MCTP1: variants seen among roughly 807,000 people sequenced by gnomAD.
MCTP1 encodes the protein multiple C2 and transmembrane domain containing 1, also known as multiple C2 and transmembrane domain-containing protein 1.
Under a neutral mutation model 120.6 loss-of-function variants are expected in MCTP1, and 69 were observed. The ratio of observed to expected loss-of-function variants is 0.57; its 90% CI spans 0.47 to 0.70. MCTP1 has a LOEUF of 0.70. MCTP1 is among the 30% of genes least tolerant of loss of function. The pLI, the probability that MCTP1 is intolerant of heterozygous loss-of-function variation, is 0.00. For synonymous variants in MCTP1, 529 were observed against 493.1 expected, an observed-to-expected ratio of 1.07 and a Z score of -0.96; for missense variants, 1,203 against 1,248.8, an observed-to-expected ratio of 0.96 and a Z score of 0.55.
intron 19 of MCTP1, among the ~76,000 whole-genome samples, chr5:94,725,078 G>C (rs983556065): frequency 6.6e-6 from 1 of 152,158 alleles, no homozygotes; most frequent in Non-Finnish European, 1.5e-5. Context: ...TTGTGGAAAG[G>C]TTTTGAAATG....
intron 1 of MCTP1, among the ~76,000 whole-genome samples, chr5:95,121,935 G>GTA (rs769406123): frequency 2.2e-5 from 1 of 45,770 alleles, no homozygotes; most frequent in Non-Finnish European, 6.0e-5. Context: ...ATATCCATAT[G>GTA]CAAAAAAAAA....
chr5:94,868,478 A>T (rs1219081114), intron 16 of MCTP1, 26 bp from the exon 17 acceptor site: 1 of 1,550,128 alleles, frequency 6.5e-7, no homozygotes, highest in Non-Finnish European at 8.7e-7. Context: ...AAATATTATT[A>T]TAATTTGCAA....
intron 1 of MCTP1, among the ~76,000 whole-genome samples, chr5:95,069,512 G>C (rs946176007): frequency 6.6e-6 from 1 of 150,860 alleles, no homozygotes; most frequent in Non-Finnish European, 1.5e-5. Flanking sequence ...ACACAGGCCA[G>C]GTGACTTACC....
chr5:94,910,466 A>C (rs2153437437), intron 9 of MCTP1, among the ~76,000 whole-genome samples: 1 of 152,244 alleles, frequency 6.6e-6, no homozygotes, highest in East Asian at 1.9e-4. Flanking sequence ...GAAGGCATGC[A>C]GTGGCCTTTT....
At chr5:94,867,479 C>G (rs563670953) in intron 17 of MCTP1, 2 of 756,012 alleles carry the variant, frequency 2.6e-6, no homozygotes, top group East Asian at 2.7e-5. Context: ...AATTAAGGCT[C>G]TTCTTGTAAG....
chr5:95,162,971 T>C (rs1045546988), intron 1 of MCTP1, among the ~76,000 whole-genome samples: 4 of 152,196 alleles, frequency 2.6e-5, no homozygotes, highest in Non-Finnish European at 5.9e-5. Context: ...ATCAGTATCA[T>C]CCTTACTCTT....
intron 1 of MCTP1, among the ~76,000 whole-genome samples, chr5:95,069,165 A>C (rs1751466152): frequency 6.6e-6 from 1 of 152,210 alleles, no homozygotes; most frequent in South Asian, 2.1e-4. Flanking sequence ...GCTCAGAAAC[A>C]AAGGGTGGGG....
intron 1 of MCTP1, among the ~76,000 whole-genome samples, chr5:95,194,334 G>C (rs981078933): frequency 6.6e-6 from 1 of 152,162 alleles, no homozygotes; most frequent in Non-Finnish European, 1.5e-5. Context: ...TCAAACCCAG[G>C]CAGTTTGGCT....
chr5:94,749,025 G>A (rs1228448700), intron 19 of MCTP1, among the ~76,000 whole-genome samples: 6 of 152,158 alleles, frequency 3.9e-5, no homozygotes, highest in Admixed American at 6.5e-5. Context: ...TGGCCCCAGA[G>A]CATTCTTGTC....
rs188660460 is a variant in MCTP1, at chr5:94,873,908, G to A, written c.1934-667C>T. 4.4e-3 allele frequency among the ~76,000 whole-genome samples: 664 copies of A among 151,622 alleles called. 7 individuals are homozygous for A. Among genetic ancestry groups the A allele is most frequent in the African/African-American group, 0.014 (589 of 41,388 alleles). ...TTTTTTCTATTCACTGAAAATAAAG[G>A]GTTTAGAAATTATCATCTGTTTATA... On this transcript the variant is annotated intron_variant, in intron 12 of 22. Coordinates refer to ENST00000515393, the MANE Select transcript of MCTP1 (RefSeq NM_024717.7).
chr5:94,908,340 T>C (rs1398150181), intron 10 of MCTP1, among the ~76,000 whole-genome samples: 2 of 151,906 alleles, frequency 1.3e-5, no homozygotes, highest in Admixed American at 6.6e-5. Flanking sequence ...TATAATCCTA[T>C]GAAGAAAATG....
chr5:94,771,851 A>G lies in MCTP1; in HGVS notation c.2610+7259T>C, dbSNP rs562809799. On this transcript the variant is annotated intron_variant, in intron 19 of 22. Transcript: ENST00000515393. ...CACAAATGTATTATCTTACCATTCC[A>G]TAGGTCAGAAGTCTGAAATGAGTCT... Among the ~76,000 whole-genome samples the G allele has an allele frequency of 2.5e-3, 375 of 152,320 alleles. 2 individuals carry two copies. The highest frequency in any genetic ancestry group is 8.8e-3 in the African/African-American group (366 of 41,582).
chr5:94,805,006 C>G (rs1782001879), intron 17 of MCTP1, among the ~76,000 whole-genome samples: 1 of 152,088 alleles, frequency 6.6e-6, no homozygotes, highest in African/African-American at 2.4e-5. Flanking sequence ...ATGGCCGAAA[C>G]ATTAAAGATT....
chr5:95,177,716 G>A (rs920013255), intron 1 of MCTP1, among the ~76,000 whole-genome samples: 3 of 152,150 alleles, frequency 2.0e-5, no homozygotes, highest in African/African-American at 7.2e-5. Context: ...TAGCAGTTGT[G>A]CTTTATTGCA....
At chr5:94,974,756 C>CA (rs1287979088) in intron 2 of MCTP1, among the ~76,000 whole-genome samples, 9 of 150,894 alleles carry the variant, frequency 6.0e-5, no homozygotes, top group East Asian at 2.0e-4. Context: ...TAAAAAAAAC[C>CA]AAAAAAATCT....
intron 2 of MCTP1, among the ~76,000 whole-genome samples, chr5:94,968,756 C>A (rs187650511): frequency 6.6e-6 from 1 of 152,310 alleles, no homozygotes; most frequent in Non-Finnish European, 1.5e-5. Context: ...AAGGTTAGAG[C>A]GCCTTGCAGG....
At chr5:94,888,556 A>G (rs1179001214) in intron 12 of MCTP1, among the ~76,000 whole-genome samples, 1 of 152,210 alleles carries the variant, frequency 6.6e-6, no homozygotes, top group Non-Finnish European at 1.5e-5. Flanking sequence ...AGGGAAGCTG[A>G]TTCTGTAAAG....
intron 1 of MCTP1, among the ~76,000 whole-genome samples, chr5:95,181,454 G>T (rs933566860): frequency 6.6e-6 from 1 of 152,124 alleles, no homozygotes; most frequent in South Asian, 2.1e-4. Flanking sequence ...ATTGCCTAAA[G>T]GTCAGCTCAG....
intron 1 of MCTP1, among the ~76,000 whole-genome samples, chr5:95,030,740 C>G (rs1232653056): frequency 6.6e-6 from 1 of 152,116 alleles, no homozygotes; most frequent in Non-Finnish European, 1.5e-5. Context: ...GCACAAAAAA[C>G]TCCAGCAGTA....
Sources: allele counts gnomAD v4.1 joint callset (sites outside exome capture counted in the v4.1 genomes callset), GRCh38; gene constraint gnomAD v4.1.1; transcripts MANE v1.5; gene names NCBI Gene and HGNC (gene_info 2026-07-23, HGNC 2026-07-21).